PLPPR1: variants seen among roughly 807,000 people sequenced by gnomAD.
PLPPR1 encodes the protein phospholipid phosphatase related 1.
Under a neutral mutation model 33.1 loss-of-function variants are expected in PLPPR1, and 10 were observed. That is an observed-to-expected ratio of 0.30 (90% CI 0.19 to 0.51). The LOEUF is 0.51. PLPPR1 is among the 20% of genes least tolerant of loss of function. The pLI, the probability that PLPPR1 is intolerant of heterozygous loss-of-function variation, is 0.97. For missense variants in PLPPR1, 304 were observed against 408.1 expected (o/e 0.74, Z 2.20); for synonymous variants, 151 against 151.0 (o/e 1.00, Z 0.00).
chr9:101,238,119 G>A (rs1827356714), intron 2 of PLPPR1, among the ~76,000 whole-genome samples: 1 of 135,996 alleles, frequency 7.4e-6, no homozygotes, highest in African/African-American at 2.7e-5. Flanking sequence ...ATATACGTGT[G>A]TGTATATATA....
At chr9:101,153,728 C>G (rs1043655697) in intron 1 of PLPPR1, among the ~76,000 whole-genome samples, 7 of 150,690 alleles carry the variant, frequency 4.6e-5, no homozygotes, top group African/African-American at 1.2e-4. Context: ...GTGCCTGCCA[C>G]CATGCCTGGC....
chr9:101,029,357 T>C (rs1829911871), intron 1 of PLPPR1, among the ~76,000 whole-genome samples: 1 of 152,172 alleles, frequency 6.6e-6, no homozygotes, highest in South Asian at 2.1e-4. Flanking sequence ...TTTCCTTCCA[T>C]GTCATCTGGG....
intron 4 of PLPPR1, among the ~76,000 whole-genome samples, chr9:101,296,003 G>T (rs1267722450): frequency 6.6e-6 from 1 of 151,564 alleles, no homozygotes; most frequent in Admixed American, 6.6e-5. Context: ...ACTACCATCA[G>T]AGTGAACAGG....
chr9:101,187,087 C>T (rs1047376893), intron 2 of PLPPR1, among the ~76,000 whole-genome samples: 1 of 151,806 alleles, frequency 6.6e-6, no homozygotes, highest in African/African-American at 2.4e-5. Context: ...AATCATTTTT[C>T]CTGCTGCTTA....
chr9:101,137,872 T>A (rs543298602), intron 1 of PLPPR1, among the ~76,000 whole-genome samples: 1 of 152,350 alleles, frequency 6.6e-6, no homozygotes, highest in South Asian at 2.1e-4. Flanking sequence ...ATACCCACTG[T>A]GTAAATGAAC....
In PLPPR1 at chr9:101,295,551, A is replaced by T. The variant is rs1400555275; in HGVS notation, c.385+9315A>T. 4.6e-5 allele frequency among the ~76,000 whole-genome samples: 7 copies of T among 151,868 alleles called. No individual in the cohort carries two copies. In the South Asian group the frequency reaches 8.3e-4, roughly 18 times the overall value. ...GCATCACACTACCTGACTTCAAACT[A>T]TACTACAAGGCTACAGTAACCAAAA... On this transcript the variant is annotated intron_variant, in intron 4 of 7. Coordinates refer to ENST00000374874, the MANE Select transcript of PLPPR1 (RefSeq NM_207299.2).
At chr9:101,197,068 G>C (rs1826410435) in intron 2 of PLPPR1, among the ~76,000 whole-genome samples, 1 of 152,090 alleles carries the variant, frequency 6.6e-6, no homozygotes, top group African/African-American at 2.4e-5. Flanking sequence ...TGTTCACAGA[G>C]GATTCCAACA....
At chr9:101,174,335 G>T (rs1401332777) in intron 1 of PLPPR1, among the ~76,000 whole-genome samples, 1 of 152,064 alleles carries the variant, frequency 6.6e-6, no homozygotes, top group Non-Finnish European at 1.5e-5. Flanking sequence ...TCATCATGAC[G>T]TTTTAAAAAG....
intron 1 of PLPPR1, among the ~76,000 whole-genome samples, chr9:101,172,562 A>C (rs1825958841): frequency 6.6e-6 from 1 of 152,060 alleles, no homozygotes; most frequent in African/African-American, 2.4e-5. Flanking sequence ...TACTTACTCT[A>C]ATTCTCTTAG....
At chr9:101,209,380 G>A (rs934219897) in intron 2 of PLPPR1, among the ~76,000 whole-genome samples, 4 of 152,224 alleles carry the variant, frequency 2.6e-5, no homozygotes, top group Non-Finnish European at 2.9e-5. Context: ...GTAACTCAGC[G>A]TAGCTGTGTT....
chr9:101,247,514 C>T (rs943449208), intron 2 of PLPPR1, among the ~76,000 whole-genome samples: 36 of 152,082 alleles, frequency 2.4e-4, no homozygotes, highest in African/African-American at 8.0e-4. Context: ...TGTCAATCTA[C>T]AAAGCATCTC....
intron 1 of PLPPR1, among the ~76,000 whole-genome samples, chr9:101,049,042 A>T (rs984804240): frequency 3.3e-5 from 5 of 152,216 alleles, no homozygotes; most frequent in Non-Finnish European, 7.3e-5. Flanking sequence ...ATCATTTTGC[A>T]GCTATCAGAT....
intron 1 of PLPPR1, among the ~76,000 whole-genome samples, chr9:101,041,794 T>A (rs1386772114): frequency 6.6e-6 from 1 of 152,178 alleles, no homozygotes; most frequent in Non-Finnish European, 1.5e-5. Context: ...TCTCTGTGGA[T>A]TTCCTTGGAG....
intron 1 of PLPPR1, among the ~76,000 whole-genome samples, chr9:101,054,343 C>T (rs1221564638): frequency 6.6e-6 from 1 of 150,548 alleles, no homozygotes; most frequent in Admixed American, 6.6e-5. Flanking sequence ...ACGTAATTTT[C>T]ACAAAGGGTT....
intron 3 of PLPPR1, among the ~76,000 whole-genome samples, chr9:101,275,746 A>C (rs1454632072): frequency 6.6e-6 from 1 of 152,014 alleles, no homozygotes; most frequent in African/African-American, 2.4e-5. Context: ...TGGCTATTAA[A>C]CCTTTTTTCT....
chr9:101,246,068 AT>A (rs1827595379), intron 2 of PLPPR1, among the ~76,000 whole-genome samples: 1 of 65,906 alleles, frequency 1.5e-5, no homozygotes, highest in Non-Finnish European at 3.9e-5. Flanking sequence ...ATATATATAT[AT>A]ATATATATAT....
intron 1 of PLPPR1, among the ~76,000 whole-genome samples, chr9:101,184,367 G>A (rs1181127241): frequency 6.6e-6 from 1 of 151,702 alleles, no homozygotes; most frequent in East Asian, 1.9e-4. Context: ...TCTGGAAAAG[G>A]GCAGAAAGAA....
At chr9:101,308,280 C>T (rs1228259508) in intron 4 of PLPPR1, among the ~76,000 whole-genome samples, 1 of 152,196 alleles carries the variant, frequency 6.6e-6, no homozygotes, top group East Asian at 1.9e-4. Context: ...GGAGATACAA[C>T]AGTGAAGGCA....
intron 6 of PLPPR1, among the ~76,000 whole-genome samples, chr9:101,314,017 C>T (rs1829009048): frequency 1.3e-5 from 2 of 152,146 alleles, no homozygotes; most frequent in Non-Finnish European, 2.9e-5. Context: ...TATTCCATTG[C>T]ATGGTCACAC....
Sources: allele counts gnomAD v4.1 joint callset (sites outside exome capture counted in the v4.1 genomes callset), GRCh38; gene constraint gnomAD v4.1.1; transcripts MANE v1.5; gene names NCBI Gene and HGNC (gene_info 2026-07-23, HGNC 2026-07-21).